SYNE1: variants seen among roughly 807,000 people sequenced by gnomAD.
SYNE1 encodes nesprin-1.
SYNE1 carries 616 observed loss-of-function variants against 1,111.0 expected under a neutral mutation model. The ratio of observed to expected loss-of-function variants is 0.55; its 90% CI spans 0.52 to 0.59. SYNE1 has a LOEUF of 0.59. SYNE1 is among the 20% of genes least tolerant of loss of function. SYNE1 has a pLI of 0.00. For missense variants in SYNE1, 10,006 were observed against 10,417.0 expected (o/e 0.96, Z 1.72); for synonymous variants, 3,855 against 3,825.8 (o/e 1.01, Z -0.28).
chr6:152,187,768 C>T (rs541461324), intron 128 of SYNE1, among the ~76,000 whole-genome samples: 24 of 152,250 alleles, frequency 1.6e-4, no homozygotes, highest in Non-Finnish European at 2.4e-4. Flanking sequence ...TCTTGTTGCC[C>T]AGGCTGGAGT....
chr6:152,341,216 G>A (rs2096528486), intron 74 of SYNE1, among the ~76,000 whole-genome samples: 1 of 152,166 alleles, frequency 6.6e-6, no homozygotes, highest in African/African-American at 2.4e-5. Context: ...CTGTGCACAA[G>A]TACCACATCA....
intron 91 of SYNE1, among the ~76,000 whole-genome samples, chr6:152,305,513 T>C (rs1412684339): frequency 6.6e-6 from 1 of 152,152 alleles, no homozygotes; most frequent in East Asian, 1.9e-4. Flanking sequence ...TCTGCCCGCC[T>C]TGGCCTCCGA....
chr6:152,334,138 A>C lies in SYNE1; in HGVS notation c.12664T>G (p.Cys4222Gly), dbSNP rs745396792. The change falls in exon 77 of 146, where the codon TGC becomes GGC. Residue 4222 changes from cysteine (C) to glycine (G), a missense_variant. Physicochemically the swap from Cys to Gly is radical, Grantham distance 159 (BLOSUM62 -3). This residue lies in a region of SYNE1 where 4,955 missense variants were observed against 5,017.2 expected (regional missense o/e 0.99). Transcript: ENST00000367255. ...NHLNDQWLDL[C>G]RQSNNLCLQR... Reference sequence around the variant, plus strand: ...AAGCACAGGTTGTTAGACTGACGGCACAAATCGAGCCACTGATCATTTAAA... The same window carrying C: ...AAGCACAGGTTGTTAGACTGACGGCCCAAATCGAGCCACTGATCATTTAAA... 2.5e-6 allele frequency: 4 copies of C among 1,614,074 alleles called. No individual in the cohort carries two copies. The highest frequency in any genetic ancestry group is 3.4e-6 in the Non-Finnish European group (4 of 1,180,048).
At chr6:152,572,277 A>T (rs1308732258) in intron 3 of SYNE1, among the ~76,000 whole-genome samples, 1 of 152,148 alleles carries the variant, frequency 6.6e-6, no homozygotes, top group Non-Finnish European at 1.5e-5. Flanking sequence ...AGTATGTTCT[A>T]TTTTTGTCCA....
At chr6:152,497,397 G>T (rs1156906578) in intron 11 of SYNE1, among the ~76,000 whole-genome samples, 3 of 152,156 alleles carry the variant, frequency 2.0e-5, no homozygotes, top group Non-Finnish European at 2.9e-5. Flanking sequence ...TGATTCTCAT[G>T]CCCAGAAAAG....
intron 32 of SYNE1, among the ~76,000 whole-genome samples, chr6:152,439,482 G>T (rs2098507795): frequency 6.6e-6 from 1 of 152,156 alleles, no homozygotes; most frequent in African/African-American, 2.4e-5. Flanking sequence ...TCCCATCTCA[G>T]CCTCCCAAAG....
intron 8 of SYNE1, among the ~76,000 whole-genome samples, chr6:152,508,658 T>A (rs902671882): frequency 2.0e-5 from 3 of 152,246 alleles, no homozygotes; most frequent in South Asian, 2.1e-4. Context: ...CAGTCACCAG[T>A]CTTCTCCCTG....
In SYNE1 at chr6:152,141,336, A is replaced by C; in HGVS notation, c.25120-7T>G. The C allele has an allele frequency of 6.2e-7, 1 of 1,613,850 alleles. No individual in the cohort carries two copies. The highest frequency in any genetic ancestry group is 8.5e-7 in the Non-Finnish European group (1 of 1,179,972). ...ATTCGCCCAGCAGTTTCATCTGTTT[A>C]GACATAAACAACCGGCCCCTGTCAC... On this transcript the variant is annotated splice_polypyrimidine_tract_variant and splice_region_variant and intron_variant, in intron 138 of 145. Coordinates refer to ENST00000367255, the MANE Select transcript of SYNE1 (RefSeq NM_182961.4).
chr6:152,250,124 G>C (rs371678845), intron 104 of SYNE1, among the ~76,000 whole-genome samples: 19 of 151,918 alleles, frequency 1.3e-4, no homozygotes, highest in African/African-American at 2.4e-4. Context: ...AAAATAAGTG[G>C]ACACAGTGGC....
rs1057242789 is a variant in SYNE1 at position 152,302,142 on chromosome 6, G to A, written c.17347-79C>T. 4.4e-6 allele frequency: 7 copies of A among 1,592,108 alleles called. No individual in the cohort carries two copies. In the African/African-American group the frequency reaches 8.0e-5, roughly 18 times the overall value. ...AAGTAGTAGCGTTCATCTTCCTGCA[G>A]GGCGAGCCAATGAGCGCGCAGAGCC... On this transcript the variant is annotated intron_variant, in intron 91 of 145. Coordinates refer to ENST00000367255, the MANE Select transcript of SYNE1 (RefSeq NM_182961.4).
chr6:152,486,165 C>A (rs528622854), intron 12 of SYNE1, among the ~76,000 whole-genome samples: 27 of 151,930 alleles, frequency 1.8e-4, no homozygotes, highest in Admixed American at 9.2e-4. Flanking sequence ...CATGCCACTA[C>A]ACTCCAGCTT....
At chr6:152,333,940 A>T in intron 77 of SYNE1, 68 bp downstream of exon 77, 1 of 1,606,786 alleles carries the variant, frequency 6.2e-7, no homozygotes, top group Non-Finnish European at 8.5e-7. Flanking sequence ...GGCACATTTT[A>T]AATTTTTATA....
chr6:152,562,596 A>G (rs2099398541), intron 3 of SYNE1, among the ~76,000 whole-genome samples: 1 of 152,194 alleles, frequency 6.6e-6, no homozygotes, highest in Non-Finnish European at 1.5e-5. Context: ...CATCTGCACC[A>G]CCATATGCCC....
Position 152,284,317 on chromosome 6 carries a change from T to A in SYNE1, c.18013-145A>T, listed in dbSNP as rs975065515. 3.3e-5 allele frequency: 28 copies of A among 845,106 alleles called. No individual in the cohort carries two copies. In the African/African-American group the frequency reaches 4.5e-4, roughly 14 times the overall value. The allele number at this position is 845,106 out of a possible 1,614,324, so 52.4% of individuals were successfully genotyped here. A position where few individuals can be genotyped will look rare whatever the true frequency, so the allele number is the denominator to read the frequency against. ...AATCAATCAACAAATAGCAGCCTAC[T>A]CACCTACATTTCTAAATGAAAGGCC... is the stretch of plus-strand genomic sequence containing the variant. On this transcript the variant is annotated intron_variant, in intron 95 of 145. Transcript: ENST00000367255.
chr6:152,330,234 C>T lies in SYNE1; in HGVS notation c.14451G>A (p.Met4817Ile). 6.2e-7 allele frequency: 1 copy of T among 1,614,132 alleles called. No homozygotes were observed. The highest frequency in any genetic ancestry group is 1.1e-5 in the South Asian group (1 of 91,070). ...GGAGACTTCCTGCCAGGGAGTGATACATTTTGAGCTTCTCCTCTGCAGGCA... is the reference window on the plus strand; with the variant it reads ...GGAGACTTCCTGCCAGGGAGTGATATATTTTGAGCTTCTCCTCTGCAGGCA... Reference protein sequence around the residue: ...ETLPAEEKLKMYHSLAGSLQD... With the variant: ...ETLPAEEKLKIYHSLAGSLQD... Residue 4817 changes from methionine (M) to isoleucine (I), a missense_variant, in exon 78 of 146, where the codon ATG (methionine) becomes ATA (isoleucine). Physicochemically the swap from Met to Ile is conservative, Grantham distance 10. This residue lies in a region of SYNE1 where 4,955 missense variants were observed against 5,017.2 expected (regional missense o/e 0.99). Coordinates refer to ENST00000367255, the MANE Select transcript of SYNE1 (RefSeq NM_182961.4).
At chr6:152,538,654 C>T (rs1441680722) in intron 4 of SYNE1, among the ~76,000 whole-genome samples, 1 of 151,356 alleles carries the variant, frequency 6.6e-6, no homozygotes, top group Non-Finnish European at 1.5e-5. Flanking sequence ...ACCTTTTCCC[C>T]AATCGATGAC....
intron 128 of SYNE1, among the ~76,000 whole-genome samples, chr6:152,184,213 A>T (rs1254627089): frequency 6.6e-6 from 1 of 152,190 alleles, no homozygotes; most frequent in East Asian, 1.9e-4. Flanking sequence ...AAGCAGGTGG[A>T]TCACTTGAGG....
intron 3 of SYNE1, among the ~76,000 whole-genome samples, chr6:152,585,125 C>CT (rs2099533485): frequency 6.6e-6 from 1 of 151,672 alleles, no homozygotes; most frequent in Non-Finnish European, 1.5e-5. Context: ...TTATGAGGGG[C>CT]TTTTCCCCTA....
chr6:152,530,840 G>T (rs1332461258), intron 4 of SYNE1, among the ~76,000 whole-genome samples: 2 of 151,776 alleles, frequency 1.3e-5, no homozygotes, highest in African/African-American at 4.8e-5. Flanking sequence ...AGCCAGGATG[G>T]TCTCGATCTC....
Sources: gnomAD v4.1 joint callset for allele counts (sites outside exome capture counted in the v4.1 genomes callset) on GRCh38, gnomAD v4.1.1 for gene constraint, gnomAD v4.1.1 regional missense constraint, MANE v1.5 for transcripts, NCBI Gene and HGNC (gene_info 2026-07-23, HGNC 2026-07-21) for gene names.